The following RCL1 variants were observed in gnomAD, a reference collection of about 807,000 sequenced individuals.
RCL1 encodes the protein RNA 3'-terminal phosphate cyclase-like protein.
A neutral mutation model predicts 42.4 loss-of-function variants in RCL1; 24 were observed. The observed-to-expected ratio is 0.57, with a 90% confidence interval of 0.41 to 0.80. The LOEUF (loss-of-function observed/expected upper bound fraction) is 0.80. RCL1 is among the 30% of genes least tolerant of loss of function. The pLI is 0.00. For synonymous variants in RCL1, 228 were observed against 177.3 expected, an observed-to-expected ratio of 1.29 and a Z score of -2.27; for missense variants, 578 against 467.9, an observed-to-expected ratio of 1.24 and a Z score of -2.17.
intron 1 of RCL1, among the ~76,000 whole-genome samples, chr9:4,813,564 A>G (rs1363457897): frequency 1.3e-5 from 2 of 152,256 alleles, no homozygotes; most frequent in African/African-American, 2.4e-5. Context: ...ATGTGAAGAA[A>G]TAGGAACACT....
intron 2 of RCL1, among the ~76,000 whole-genome samples, chr9:4,824,030 G>T (rs1021116059): frequency 2.0e-5 from 3 of 152,110 alleles, no homozygotes; most frequent in African/African-American, 7.2e-5. Context: ...GAAGTTAGAA[G>T]ACTGAAAATT....
intron 3 of RCL1, among the ~76,000 whole-genome samples, chr9:4,831,018 G>A (rs1428167009): frequency 1.3e-5 from 2 of 152,112 alleles, no homozygotes; most frequent in Non-Finnish European, 2.9e-5. Flanking sequence ...AGAGTGTTCG[G>A]CCCAGCCTCT....
intron 1 of RCL1, among the ~76,000 whole-genome samples, chr9:4,799,002 C>G (rs1274943858): frequency 7.3e-6 from 1 of 136,312 alleles, no homozygotes; most frequent in Non-Finnish European, 1.6e-5. Flanking sequence ...TTTCCTCTCT[C>G]CCTCCCCTTC....
intron 1 of RCL1, among the ~76,000 whole-genome samples, chr9:4,795,308 G>C (rs1175263948): frequency 6.6e-6 from 1 of 152,042 alleles, no homozygotes; most frequent in East Asian, 1.9e-4. Flanking sequence ...GTATGAAACT[G>C]CTGACCTCAG....
intron 8 of RCL1, among the ~76,000 whole-genome samples, chr9:4,857,931 C>CTTTTTTTTTTTTTT (rs34470773): frequency 5.8e-5 from 6 of 103,046 alleles, no homozygotes; most frequent in Non-Finnish European, 9.1e-5. Flanking sequence ...AGCTCTCCCA[C>CTTTTTTTTTTTTTT]TTTTTTTTTT....
At chr9:4,822,363 C>A (rs1198702922) in intron 1 of RCL1, among the ~76,000 whole-genome samples, 1 of 152,160 alleles carries the variant, frequency 6.6e-6, no homozygotes, top group Admixed American at 6.5e-5. Context: ...TGTTCATGGG[C>A]AGGAAGTTAA....
chr9:4,844,511 C>G lies in RCL1; in HGVS notation c.711-14C>G. ...GGTTAAACCTACTCAGTGTTTGTGC[C>G]TTTGTATCTCCAGGTCTCCGGGCTT... On this transcript the variant is annotated splice_polypyrimidine_tract_variant and intron_variant, in intron 6 of 8. Coordinates refer to ENST00000381750, the MANE Select transcript of RCL1 (RefSeq NM_005772.5). The G allele has an allele frequency of 6.2e-7, 1 of 1,600,472 alleles. No individual in the cohort carries two copies. The highest frequency in any genetic ancestry group is 2.2e-5 in the East Asian group (1 of 44,578).
intron 6 of RCL1, 29 bp downstream of exon 6, chr9:4,841,386 TC>T: frequency 6.3e-7 from 1 of 1,584,050 alleles, no homozygotes; most frequent in Non-Finnish European, 8.7e-7. Flanking sequence ...GAAGTCTGTT[TC>T]TGCAGCTTTT....
At chr9:4,819,633 C>A (rs890033060) in intron 1 of RCL1, among the ~76,000 whole-genome samples, 23 of 152,074 alleles carry the variant, frequency 1.5e-4, no homozygotes, top group African/African-American at 4.8e-5. Flanking sequence ...ATGGTGAAAC[C>A]CCATCTCTAC....
intron 1 of RCL1, among the ~76,000 whole-genome samples, chr9:4,802,170 C>T (rs1027860494): frequency 6.6e-6 from 1 of 151,480 alleles, no homozygotes. Flanking sequence ...AGTAATCCAC[C>T]CGCCTTGGGC....
chr9:4,831,217 T>G (rs1050883795), intron 3 of RCL1, among the ~76,000 whole-genome samples: 1 of 152,146 alleles, frequency 6.6e-6, no homozygotes, highest in Admixed American at 6.5e-5. Flanking sequence ...GGAATTACCC[T>G]TGGGCTTCTT....
intron 2 of RCL1, 95 bp downstream of exon 2, chr9:4,823,714 C>G (rs938154735): frequency 1.3e-6 from 1 of 775,686 alleles, no homozygotes; most frequent in African/African-American, 1.8e-5. Flanking sequence ...TCTAGTCAGT[C>G]TCTGCTTATC....
chr9:4,835,835 C>T (rs535814005), intron 5 of RCL1, among the ~76,000 whole-genome samples: 1 of 152,298 alleles, frequency 6.6e-6, no homozygotes, highest in East Asian at 1.9e-4. Context: ...ATCGTAGTTG[C>T]ACAGTAGGAG....
intron 1 of RCL1, among the ~76,000 whole-genome samples, chr9:4,821,737 C>T (rs1190854362): frequency 6.6e-6 from 1 of 152,166 alleles, no homozygotes; most frequent in Non-Finnish European, 1.5e-5. Context: ...ACCTCAGCCT[C>T]CTGAGTGGCT....
At chr9:4,806,480 G>A (rs976602585) in intron 1 of RCL1, among the ~76,000 whole-genome samples, 16 of 152,004 alleles carry the variant, frequency 1.1e-4, no homozygotes, top group African/African-American at 3.9e-4. Context: ...ACCAGTTGAT[G>A]TGACCATGTG....
intron 5 of RCL1, among the ~76,000 whole-genome samples, chr9:4,837,555 G>A (rs754075664): frequency 2.0e-5 from 3 of 152,140 alleles, no homozygotes; most frequent in African/African-American, 2.4e-5. Context: ...ATTTCTGGCA[G>A]TGTGCTCTGT....
Position 4,799,990 on chromosome 9 carries a change from T to C in RCL1, c.136+6763T>C, listed in dbSNP as rs184146494. ...AGTGTGTGATTAGCCTGAGGTTATC[T>C]AGAGTCACTATAAGGACTGGCTTTT... On this transcript the variant is annotated intron_variant, in intron 1 of 8. Coordinates refer to ENST00000381750, the MANE Select transcript of RCL1 (RefSeq NM_005772.5). Among the ~76,000 whole-genome samples the C allele has an allele frequency of 3.2e-3, 486 of 152,328 alleles. 3 individuals carry two copies. Among genetic ancestry groups the C allele is most frequent in the Non-Finnish European group, 5.5e-3 (377 of 68,030 alleles).
At chr9:4,820,936 TAC>T (rs1292680993) in intron 1 of RCL1, among the ~76,000 whole-genome samples, 2 of 152,252 alleles carry the variant, frequency 1.3e-5, no homozygotes. Context: ...CCTTAGTATA[TAC>T]AGTTATTCCA....
intron 1 of RCL1, 49 bp downstream of exon 1, chr9:4,793,276 G>C (rs1397708720): frequency 2.6e-6 from 4 of 1,537,360 alleles, no homozygotes; most frequent in East Asian, 5.1e-5. Flanking sequence ...GCTGAGGGGA[G>C]ACCGAGCTGA....
Sources: allele counts gnomAD v4.1 joint callset (sites outside exome capture counted in the v4.1 genomes callset), GRCh38; gene constraint gnomAD v4.1.1; transcripts MANE v1.5; gene names NCBI Gene and HGNC (gene_info 2026-07-23, HGNC 2026-07-21).